Variants in ERICH1 observed in about 807,000 individuals in gnomAD.
ERICH1 encodes glutamate-rich protein 1.
A neutral mutation model predicts 39.6 loss-of-function variants in ERICH1; 56 were observed. The observed-to-expected ratio is 1.41, with a 90% CI of 1.14 to 1.77. The LOEUF is 1.77. Among genes scored for constraint, ERICH1 ranks in the 40% most tolerant of loss-of-function variants. The probability of loss-of-function intolerance (pLI) is 0.00; values close to 1 mark genes in which losing one functional copy is unlikely to be tolerated. For synonymous variants in ERICH1, 313 were observed against 223.6 expected, an observed-to-expected ratio of 1.40 and a Z score of -3.57; for missense variants, 826 against 575.4, an observed-to-expected ratio of 1.44 and a Z score of -4.45.
chr8:657,762 G>T (rs944860221), intron 3 of ERICH1, among the ~76,000 whole-genome samples: 1 of 151,970 alleles, frequency 6.6e-6, no homozygotes, highest in Admixed American at 6.6e-5. Flanking sequence ...TAAATTAAAG[G>T]ACTCAGTAAT....
At chr8:643,915 A>G (rs1799301296) in intron 3 of ERICH1, among the ~76,000 whole-genome samples, 1 of 152,222 alleles carries the variant, frequency 6.6e-6, no homozygotes, top group Non-Finnish European at 1.5e-5. Flanking sequence ...CGCCTGGAGA[A>G]ACACCCGGAA....
chr8:664,764 G>A (rs1801937413), intron 5 of ERICH1, 88 bp from the exon 6 acceptor site: 7 of 1,093,214 alleles, frequency 6.4e-6, no homozygotes, highest in Non-Finnish European at 7.9e-6. Context: ...GAGCCTTTGG[G>A]CCCAAAGTGA....
rs538595923 is a variant in ERICH1, at chr8:696,926, C to G, written c.170-4314G>C. The stretch of plus-strand genomic sequence containing the variant: ...TCTCCTTCCTCCCCATCAGCCTGTA[C>G]TCGCTTCTCTCACCCTCCACTCCTT... On this transcript the variant is annotated intron_variant, in intron 2 of 5. Transcript: ENST00000262109. Among the ~76,000 whole-genome samples the G allele has an allele frequency of 7.3e-4, 110 of 149,844 alleles. 1 individual carries two copies. The highest frequency in any genetic ancestry group is 6.8e-3 in the Admixed American group (102 of 15,034).
chr8:687,492 T>TC, intron 3 of ERICH1, among the ~76,000 whole-genome samples: 1 of 152,292 alleles, frequency 6.6e-6, no homozygotes, highest in African/African-American at 2.4e-5. Flanking sequence ...GTCCAGACTG[T>TC]CACCCCATGG....
intron 3 of ERICH1, chr8:627,104 C>T (rs1797630889): frequency 8.8e-6 from 4 of 456,110 alleles, no homozygotes; most frequent in South Asian, 6.2e-5. Context: ...TATCCCTAGA[C>T]ACCTGCATCA....
downstream of ERICH1, among the ~76,000 whole-genome samples, chr8:663,584 G>A (rs1801753097): frequency 6.6e-6 from 1 of 152,110 alleles, no homozygotes; most frequent in African/African-American, 2.4e-5. Context: ...AAGACACAGA[G>A]GGATGCTCTC....
At chr8:716,849 C>A (rs1454000182) in intron 1 of ERICH1, among the ~76,000 whole-genome samples, 4 of 152,006 alleles carry the variant, frequency 2.6e-5, no homozygotes, top group Non-Finnish European at 5.9e-5. Flanking sequence ...GGGGTGGCTT[C>A]TAGGCGAGGC....
chr8:642,090 G>T (rs1395165914), intron 3 of ERICH1, among the ~76,000 whole-genome samples: 3 of 152,240 alleles, frequency 2.0e-5, no homozygotes, highest in African/African-American at 7.2e-5. Flanking sequence ...AAGGCCCAGA[G>T]ATGATTTCAC....
intron 3 of ERICH1, among the ~76,000 whole-genome samples, chr8:634,337 A>G (rs1276395338): frequency 6.6e-6 from 1 of 152,214 alleles, no homozygotes; most frequent in Non-Finnish European, 1.5e-5. Flanking sequence ...AAAGGCAACG[A>G]GCGAGCGTCG....
rs192784916 is a variant in ERICH1, at chr8:711,472, G to C, written c.169+4389C>G. Among the ~76,000 whole-genome samples the C allele has an allele frequency of 2.1e-4, 32 of 150,950 alleles. No homozygotes were observed. The East Asian group carries it at 5.5e-3, about 26-fold the overall frequency. ...CCAAGTAATCTTCTAACCGTTTATA[G>C]TTTTGCATTTTACACTCAGGTGTAA... On this transcript the variant is annotated intron_variant, in intron 2 of 5. Coordinates refer to ENST00000262109, the MANE Select transcript of ERICH1 (RefSeq NM_207332.3).
intron 3 of ERICH1, among the ~76,000 whole-genome samples, chr8:651,393 A>G (rs1346868156): frequency 6.6e-6 from 1 of 152,228 alleles, no homozygotes; most frequent in Non-Finnish European, 1.5e-5. Flanking sequence ...GGCTCCTTGG[A>G]GAAGCAGCTG....
chr8:668,508 T>C (rs547263157), intron 5 of ERICH1, 90 bp downstream of exon 5: 12 of 1,369,160 alleles, frequency 8.8e-6, no homozygotes, highest in East Asian at 2.3e-5. Flanking sequence ...TTCCAACTCA[T>C]TGCTGTTTTG....
At chr8:649,730 C>G (rs1259169025) in intron 3 of ERICH1, among the ~76,000 whole-genome samples, 6 of 152,224 alleles carry the variant, frequency 3.9e-5, no homozygotes, top group Non-Finnish European at 5.9e-5. Flanking sequence ...CCTGTGGCCC[C>G]TGGCTGAGCA....
At chr8:727,530 C>T (rs1819057841) in intron 1 of ERICH1, among the ~76,000 whole-genome samples, 1 of 152,192 alleles carries the variant, frequency 6.6e-6, no homozygotes, top group Non-Finnish European at 1.5e-5. Flanking sequence ...TGCTGCAGAC[C>T]CCTTGGCCCT....
exon 4 of ERICH1, chr8:615,235 C>T: frequency 1.4e-6 from 1 of 696,042 alleles, no homozygotes; most frequent in Non-Finnish European, 2.6e-6. Flanking sequence ...AAGGCAGCCC[C>T]TCTCTCTTTC....
chr8:683,503 T>A (rs974634210), intron 3 of ERICH1, among the ~76,000 whole-genome samples: 1 of 152,094 alleles, frequency 6.6e-6, no homozygotes, highest in Non-Finnish European at 1.5e-5. Flanking sequence ...AAAAATGGAT[T>A]CTCGCTCTCT....
intron 3 of ERICH1, among the ~76,000 whole-genome samples, chr8:628,893 G>T (rs112337215): frequency 7.9e-5 from 12 of 152,018 alleles, no homozygotes; most frequent in African/African-American, 2.9e-4. Context: ...AAGCCCTTCC[G>T]CTCACGAACC....
intron 3 of ERICH1, among the ~76,000 whole-genome samples, chr8:688,118 A>G (rs916849973): frequency 1.3e-5 from 2 of 152,128 alleles, no homozygotes; most frequent in Admixed American, 1.3e-4. Context: ...GGGAGACAGG[A>G]GAGGAGGGAG....
chr8:702,004 G>A (rs1274684829), intron 2 of ERICH1, among the ~76,000 whole-genome samples: 1 of 149,208 alleles, frequency 6.7e-6, no homozygotes, highest in Non-Finnish European at 1.5e-5. Context: ...TTGAACCTGG[G>A]AGGCGGAGCT....
Sources: gnomAD v4.1 joint callset for allele counts (sites outside exome capture counted in the v4.1 genomes callset) on GRCh38, gnomAD v4.1.1 for gene constraint, MANE v1.5 for transcripts, NCBI Gene and HGNC (gene_info 2026-07-23, HGNC 2026-07-21) for gene names.